The following SMC1A variants were observed in gnomAD, a reference collection of about 807,000 sequenced individuals.
SMC1A encodes structural maintenance of chromosomes protein 1A.
A neutral mutation model predicts 94.5 loss-of-function variants in SMC1A; 4 were observed. That is an observed-to-expected ratio of 0.04 (90% CI 0.02 to 0.10). The LOEUF (loss-of-function observed/expected upper bound fraction) is 0.10, where lower values mean the gene tolerates loss of function less well. SMC1A is among the 10% of genes least tolerant of loss of function. SMC1A has a pLI of 1.00. For synonymous variants in SMC1A, 345 were observed against 347.7 expected (o/e 0.99, Z 0.09); for missense variants, 304 against 989.0 (o/e 0.31, Z 9.29).
intron 15 of SMC1A, among the ~76,000 whole-genome samples, chrX:53,399,995 A>G (rs2075665379): frequency 9.0e-6 from 1 of 111,409 alleles, no homozygotes; most frequent in Admixed American, 9.6e-5. Context: ...ATCCCCCTTT[A>G]AACAATGAAG....
chrX:53,380,926 A>G, intron 23 of SMC1A, 92 bp downstream of exon 23: 2 of 788,480 alleles, frequency 2.5e-6, no homozygotes, highest in Admixed American at 4.5e-5. Flanking sequence ...AGCAGGCAGC[A>G]GGAACGGCTA....
chrX:53,416,574 T>TA (rs1227597392), intron 1 of SMC1A, among the ~76,000 whole-genome samples: 2 of 108,464 alleles, frequency 1.8e-5, no homozygotes, highest in Admixed American at 2.0e-4. Flanking sequence ...GTATTTTTAG[T>TA]AGAGACAGGG....
chrX:53,422,683 T>G, upstream of SMC1A: 1 of 640,148 alleles, frequency 1.6e-6, no homozygotes, highest in Non-Finnish European at 2.6e-6. Context: ...AACGCCGCAG[T>G]GCAAGCCGGG....
intron 19 of SMC1A, among the ~76,000 whole-genome samples, chrX:53,385,917 T>G (rs2075602837): frequency 8.9e-6 from 1 of 112,108 alleles, no homozygotes; most frequent in Non-Finnish European, 1.9e-5. Flanking sequence ...TGCCAAAGCA[T>G]CACTCTAAAG....
intron 8 of SMC1A, 37 bp from the exon 9 acceptor site, chrX:53,409,306 G>A (rs1340106453): frequency 2.5e-6 from 3 of 1,183,129 alleles, no homozygotes; most frequent in Admixed American, 2.2e-5. Context: ...ACTCCTGCTG[G>A]TGAGAAAATA....
chrX:53,413,370 A>G lies in SMC1A; in HGVS notation c.477T>C (p.Ser159=), dbSNP rs1556890838. ...ACTCCTGCGCCAGCTCCCCAGAACGACTAATCTCTTCAAATAGAGCTGTCC... is the reference window on the plus strand; with the variant it reads ...ACTCCTGCGCCAGCTCCCCAGAACGGCTAATCTCTTCAAATAGAGCTGTCC... ...KERTALFEEI[S]RSGELAQEYD... is the part of the protein sequence containing the mutation. The change falls in exon 4 of 25, where the codon AGT becomes AGC. Residue 159 remains serine (S), a synonymous_variant. Transcript: ENST00000322213. 1 of 1,211,267 alleles carries G rather than the reference A, an allele frequency of 8.3e-7. No individual in the cohort carries two copies. Among genetic ancestry groups the G allele is most frequent in the Middle Eastern group, 2.3e-4 (1 of 4,354 alleles).
Position 53,396,513 on chromosome X carries a change from A to G in SMC1A, c.2667T>C (p.His889=). ...GTTTCTTACGAATCTCCTCCATCTCATGATTCTTGTCATTCACTTCCGACT... is the reference window on the plus strand; with the variant it reads ...GTTTCTTACGAATCTCCTCCATCTCGTGATTCTTGTCATTCACTTCCGACT... The part of the protein sequence containing the change: ...AKKSEVNDKN[H]EMEEIRKKLG... The change falls in exon 17 of 25, where the codon CAT becomes CAC. Residue 889 remains histidine (H), a synonymous_variant. Coordinates refer to ENST00000322213, the MANE Select transcript of SMC1A (RefSeq NM_006306.4). 1 of 1,210,003 alleles carries G rather than the reference A, an allele frequency of 8.3e-7. No homozygotes were observed. Among genetic ancestry groups the G allele is most frequent in the Non-Finnish European group, 1.1e-6 (1 of 894,832 alleles).
At chrX:53,390,266 T>C (rs1556887043) in intron 19 of SMC1A, among the ~76,000 whole-genome samples, 1 of 107,227 alleles carries the variant, frequency 9.3e-6, no homozygotes, top group Non-Finnish European at 1.9e-5. Context: ...GGCGGGCGGA[T>C]CACGAGGTCA....
Position 53,422,124 on chromosome X carries a change from G to A in SMC1A, c.109+368C>T, listed in dbSNP as rs368673073. The A allele has an allele frequency of 1.1e-5, 12 of 1,061,631 alleles. No individual in the cohort carries two copies. In the East Asian group the frequency reaches 2.1e-4, roughly 19 times the overall value. 87.5% of individuals were successfully genotyped at this position (1,061,631 alleles called of 1,213,427 possible). On this transcript the variant is annotated intron_variant, in intron 1 of 24. Transcript: ENST00000322213. ...ACATTCTCCGGAGGGGGTCAAGTAA[G>A]GCTGGGAAGCCGGCTCCGGCCGGTC...
intron 7 of SMC1A, among the ~76,000 whole-genome samples, chrX:53,410,152 G>A (rs782312386): frequency 3.6e-5 from 4 of 111,640 alleles, no homozygotes; most frequent in East Asian, 2.8e-4. Flanking sequence ...TTTGGTAAGA[G>A]TGTGGGCTTT....
chrX:53,404,962 A>C (rs782561479), intron 13 of SMC1A, 50 bp downstream of exon 13: 1 of 1,166,048 alleles, frequency 8.6e-7, no homozygotes, highest in South Asian at 1.9e-5. Context: ...AACCTAGGCC[A>C]GGAATGTGTG....
At chrX:53,385,121 G>A (rs1037546440) in intron 19 of SMC1A, among the ~76,000 whole-genome samples, 7 of 109,661 alleles carry the variant, frequency 6.4e-5, no homozygotes, top group Non-Finnish European at 1.3e-4. Context: ...GGCCTTATAA[G>A]GTTTAGACTT....
chrX:53,395,007 GAAGGA>G, intron 18 of SMC1A, 119 bp from the exon 19 acceptor site: 1 of 521,090 alleles, frequency 1.9e-6, no homozygotes, highest in Non-Finnish European at 3.4e-6. Context: ...CACCATGGCA[GAAGGA>G]ACAGAGGCTT....
chrX:53,384,414 C>T (rs1556886267), intron 19 of SMC1A, among the ~76,000 whole-genome samples: 1 of 110,026 alleles, frequency 9.1e-6, no homozygotes, highest in South Asian at 3.9e-4. Context: ...CGGACACGCA[C>T]AACCATGCCT....
At chrX:53,382,990 G>T in intron 20 of SMC1A, 107 bp downstream of exon 20, 1 of 830,810 alleles carries the variant, frequency 1.2e-6, no homozygotes, top group Non-Finnish European at 1.8e-6. Context: ...AGAGTTTTAA[G>T]TAAGAAAACA....
intron 19 of SMC1A, among the ~76,000 whole-genome samples, chrX:53,389,141 G>T (rs1299999140): frequency 9.4e-6 from 1 of 106,432 alleles, no homozygotes; most frequent in Non-Finnish European, 1.9e-5. Flanking sequence ...TGGTCGGGGG[G>T]GTGAAGGGAA....
intron 1 of SMC1A, among the ~76,000 whole-genome samples, chrX:53,415,895 A>C (rs2075730037): frequency 9.0e-6 from 1 of 110,918 alleles, no homozygotes; most frequent in South Asian, 3.7e-4. Flanking sequence ...GCTAGAACCC[A>C]ATCTAAAGAA....
intron 8 of SMC1A, 52 bp downstream of exon 8, chrX:53,409,369 G>T: frequency 8.7e-7 from 1 of 1,154,320 alleles, no homozygotes; most frequent in Non-Finnish European, 1.2e-6. Context: ...CATGTAGGTA[G>T]GGTCACAAGA....
chrX:53,399,529 T>C, intron 16 of SMC1A, 60 bp downstream of exon 16: 2 of 1,076,936 alleles, frequency 1.9e-6, no homozygotes, highest in Admixed American at 2.2e-5. Flanking sequence ...CTGTCTGTCG[T>C]ATTTCTTCCC....
Sources: allele counts gnomAD v4.1 joint callset (sites outside exome capture counted in the v4.1 genomes callset), GRCh38; gene constraint gnomAD v4.1.1; transcripts MANE v1.5; gene names NCBI Gene and HGNC (gene_info 2026-07-23, HGNC 2026-07-21).